The following DYM variants were observed in gnomAD, a reference collection of about 807,000 sequenced individuals.
DYM encodes dymeclin, also known as dyggve-Melchior-Clausen syndrome protein.
Under a neutral mutation model 93.1 loss-of-function variants are expected in DYM, and 78 were observed. That is an observed-to-expected ratio of 0.84 (90% confidence interval 0.70 to 1.01). DYM has a LOEUF of 1.01. DYM is among the 50% of genes least tolerant of loss of function. The pLI, the probability that DYM is intolerant of heterozygous loss-of-function variation, is 0.00. For synonymous variants in DYM, 321 were observed against 319.7 expected, an observed-to-expected ratio of 1.00 and a Z score of -0.04; for missense variants, 789 against 845.0, an observed-to-expected ratio of 0.93 and a Z score of 0.82.
intron 16 of DYM, among the ~76,000 whole-genome samples, chr18:49,107,213 G>A (rs919856366): frequency 1.3e-5 from 2 of 152,146 alleles, no homozygotes; most frequent in Non-Finnish European, 2.9e-5. Flanking sequence ...ACTGAGGCTT[G>A]TGCATTCGTC....
intron 8 of DYM, among the ~76,000 whole-genome samples, chr18:49,299,782 G>A (rs956232748): frequency 7.2e-5 from 11 of 151,970 alleles, no homozygotes; most frequent in Admixed American, 3.9e-4. Flanking sequence ...GGTGGCTCAC[G>A]CCTGTAATCC....
At chr18:49,385,579 C>G (rs988271385) in intron 3 of DYM, among the ~76,000 whole-genome samples, 1 of 151,952 alleles carries the variant, frequency 6.6e-6, no homozygotes, top group African/African-American at 2.4e-5. Flanking sequence ...CCTGTAATCC[C>G]AGCTACTTGG....
At chr18:49,141,483 C>A (rs918830259) in intron 15 of DYM, among the ~76,000 whole-genome samples, 1 of 152,194 alleles carries the variant, frequency 6.6e-6, no homozygotes, top group African/African-American at 2.4e-5. Flanking sequence ...CCACTATCCA[C>A]ACTCCAAACT....
chr18:49,441,275 ATT>A (rs2081546703), intron 1 of DYM, among the ~76,000 whole-genome samples: 3 of 30,726 alleles, frequency 9.8e-5, no homozygotes, highest in East Asian at 1.5e-3. Context: ...TATAATATAT[ATT>A]ATATAATTAT....
chr18:49,455,677 C>T (rs1030838219), intron 1 of DYM, among the ~76,000 whole-genome samples: 1 of 152,118 alleles, frequency 6.6e-6, no homozygotes, highest in Non-Finnish European at 1.5e-5. Context: ...AGAGGCCAGG[C>T]GCAGTGGCTC....
intron 13 of DYM, among the ~76,000 whole-genome samples, chr18:49,215,432 T>A (rs1046047269): frequency 6.6e-5 from 10 of 152,166 alleles, no homozygotes; most frequent in Admixed American, 1.3e-4. Flanking sequence ...CCAGACAAAA[T>A]CTTGTTAGTT....
chr18:49,253,122 T>C lies in DYM; in HGVS notation c.1460+3888A>G, dbSNP rs559102026. On this transcript the variant is annotated intron_variant, in intron 13 of 17. Coordinates refer to ENST00000675505, the MANE Select transcript of DYM (RefSeq NM_001353214.3). ...CATCCTTTCATAGCAATGTAACATG[T>C]TATCTGTTTTGCATTTTGTTGAAGA... Among the ~76,000 whole-genome samples, 85 of 152,344 alleles carry C rather than the reference T, an allele frequency of 5.6e-4. 2 individuals are homozygous for C. Among genetic ancestry groups the C allele is most frequent in the Non-Finnish European group, 1.0e-3 (71 of 68,038 alleles).
chr18:49,163,787 A>G lies in DYM; in HGVS notation c.1626T>C (p.Ser542=). Residue 542 remains serine (S), a splice_region_variant and synonymous_variant, in exon 15 of 18, where the codon AGT becomes AGC. Transcript: ENST00000675505. The part of the protein sequence containing the change: ...CSHILRSYAS[S]LFSLLSKKHN... ...GTTTTTTAGACAGCAAAGAAAATAA[A>G]CTGGAAAAACAAACAAAAAACCAAT... 1.2e-6 allele frequency: 2 copies of G among 1,600,384 alleles called. No homozygotes were observed. Among genetic ancestry groups the G allele is most frequent in the South Asian group, 1.1e-5 (1 of 89,452 alleles).
intron 8 of DYM, among the ~76,000 whole-genome samples, chr18:49,295,409 TA>T (rs2060462843): frequency 8.5e-5 from 13 of 152,208 alleles, no homozygotes; most frequent in Non-Finnish European, 1.8e-4. Context: ...ACAAATGGGA[TA>T]TGAACGGGAG....
chr18:49,263,993 T>C (rs753487578), intron 11 of DYM, among the ~76,000 whole-genome samples: 2 of 152,130 alleles, frequency 1.3e-5, no homozygotes, highest in Non-Finnish European at 2.9e-5. Flanking sequence ...CCTAGATTTA[T>C]TAAATGTTAG....
At chr18:49,056,445 G>C (rs2075489802) in intron 17 of DYM, among the ~76,000 whole-genome samples, 1 of 152,218 alleles carries the variant, frequency 6.6e-6, no homozygotes. Flanking sequence ...GGGCTAATGA[G>C]TGTAAAAATA....
Position 49,286,538 on chromosome 18 carries a change from G to A in DYM, c.842C>T (p.Ala281Val). Residue 281 changes from alanine (A) to valine (V), a missense_variant, in exon 9 of 18, where the codon GCC becomes GTC. Ala to Val is a moderately conservative substitution (Grantham distance 64, BLOSUM62 0). Coordinates refer to ENST00000675505, the MANE Select transcript of DYM (RefSeq NM_001353214.3). The part of the protein sequence containing the change: ...AASPELSSPL[A>V]NQSLLLLLVL... The stretch of plus-strand genomic sequence containing the variant: ...CAGCAGAAGCAGGAGACTCTGGTTG[G>A]CCAGAGGGGAAGAAAGCTCTGGAGA... 6.2e-7 allele frequency: 1 copy of A among 1,614,154 alleles called. No individual in the cohort carries two copies. Among genetic ancestry groups the A allele is most frequent in the Non-Finnish European group, 8.5e-7 (1 of 1,179,990 alleles).
chr18:49,422,631 T>C (rs2073847015), intron 2 of DYM, among the ~76,000 whole-genome samples: 1 of 152,128 alleles, frequency 6.6e-6, no homozygotes, highest in African/African-American at 2.4e-5. Context: ...GACCCATCAG[T>C]GTGCTGTATT....
At chr18:49,281,621 C>T (rs1277663267) in intron 10 of DYM, among the ~76,000 whole-genome samples, 1 of 152,082 alleles carries the variant, frequency 6.6e-6, no homozygotes, top group African/African-American at 2.4e-5. Flanking sequence ...TACTATGCAG[C>T]CATAAAAAAG....
At chr18:49,195,841 G>A (rs909550048) in intron 14 of DYM, among the ~76,000 whole-genome samples, 4 of 151,436 alleles carry the variant, frequency 2.6e-5, no homozygotes, top group Admixed American at 1.3e-4. Context: ...TTTACTGTAC[G>A]TGGGTAGAAA....
intron 2 of DYM, among the ~76,000 whole-genome samples, chr18:49,420,700 G>A (rs1050818629): frequency 1.1e-4 from 17 of 152,222 alleles, no homozygotes; most frequent in East Asian, 1.9e-4. Flanking sequence ...CCTGTGGACC[G>A]TGAACCGAAG....
At chr18:49,272,006 G>GAAAA (rs33965129) in intron 11 of DYM, among the ~76,000 whole-genome samples, 172 bp downstream of exon 11, 1 of 134,560 alleles carries the variant, frequency 7.4e-6, no homozygotes, top group Non-Finnish European at 1.6e-5. Context: ...AGTCATTCTG[G>GAAAA]AAAAAAAAAA....
intron 17 of DYM, among the ~76,000 whole-genome samples, chr18:49,086,991 A>T (rs1043605661): frequency 6.6e-6 from 1 of 152,006 alleles, no homozygotes; most frequent in Non-Finnish European, 1.5e-5. Flanking sequence ...CATGTCAAAA[A>T]ATAAAAATAA....
At position 49,292,344 on chromosome 18, in the gene DYM, A is replaced by G. The variant is rs398041139; in HGVS notation, c.764-5728T>C. Among the ~76,000 whole-genome samples the G allele has an allele frequency of 6.7e-3, 654 of 97,846 alleles. 7 individuals carry two copies. Among genetic ancestry groups the G allele is most frequent in the East Asian group, 0.041 (138 of 3,332 alleles). The allele number at this position is 97,846 out of a possible 152,430, so 64.2% of individuals were successfully genotyped here. A position where few individuals can be genotyped will look rare whatever the true frequency, so the allele number is the denominator to read the frequency against. ...GGCAGGCAGGCAGGCAGGCAGACAG[A>G]CAGACAGACAGACACACACACACAC... On this transcript the variant is annotated intron_variant, in intron 8 of 17. Transcript: ENST00000675505.
Sources: allele counts gnomAD v4.1 joint callset (sites outside exome capture counted in the v4.1 genomes callset), GRCh38; gene constraint gnomAD v4.1.1; transcripts MANE v1.5; gene names NCBI Gene and HGNC (gene_info 2026-07-23, HGNC 2026-07-21).